Variants in DTWD2 observed in about 807,000 individuals in gnomAD.
DTWD2 encodes tRNA-uridine aminocarboxypropyltransferase 2.
DTWD2 carries 39 observed loss-of-function variants against 31.8 expected under a neutral mutation model. The observed-to-expected ratio is 1.22, with a 90% confidence interval of 0.95 to 1.60. The LOEUF (loss-of-function observed/expected upper bound fraction) is 1.60. DTWD2 is among the 40% of genes most tolerant of loss of function. DTWD2 has a pLI of 0.00. For synonymous variants in DTWD2, 180 were observed against 142.8 expected, an observed-to-expected ratio of 1.26 and a Z score of -1.86; for missense variants, 515 against 381.5, an observed-to-expected ratio of 1.35 and a Z score of -2.92.
At chr5:118,915,528 CCA>C (rs1453337894) in intron 4 of DTWD2, among the ~76,000 whole-genome samples, 1 of 152,074 alleles carries the variant, frequency 6.6e-6, no homozygotes, top group Non-Finnish European at 1.5e-5. Flanking sequence ...GCGCACACCA[CCA>C]CACCTGGCTA....
At chr5:118,880,836 G>T (rs954205234) in intron 4 of DTWD2, among the ~76,000 whole-genome samples, 1 of 152,122 alleles carries the variant, frequency 6.6e-6, no homozygotes, top group African/African-American at 2.4e-5. Context: ...TTAGTTTGAA[G>T]AAGTATTTTG....
At chr5:118,863,316 T>C (rs1043528405) in intron 4 of DTWD2, among the ~76,000 whole-genome samples, 6 of 152,242 alleles carry the variant, frequency 3.9e-5, no homozygotes, top group African/African-American at 1.4e-4. Context: ...ATATATTATA[T>C]GCTGCCTATA....
At chr5:118,889,562 T>C (rs912128053) in intron 4 of DTWD2, among the ~76,000 whole-genome samples, 13 of 152,090 alleles carry the variant, frequency 8.5e-5, no homozygotes, top group Admixed American at 6.6e-5. Flanking sequence ...ATAAATAAAA[T>C]AATTTTGAAA....
chr5:118,975,218 C>T (rs536675032), intron 1 of DTWD2, among the ~76,000 whole-genome samples: 1 of 152,078 alleles, frequency 6.6e-6, no homozygotes, highest in Non-Finnish European at 1.5e-5. Flanking sequence ...AGGCTTTGTT[C>T]GTTCCTTTTC....
chr5:118,951,143 C>G (rs1168447076), intron 1 of DTWD2, among the ~76,000 whole-genome samples: 1 of 152,100 alleles, frequency 6.6e-6, no homozygotes, highest in East Asian at 1.9e-4. Context: ...CCAGACACCT[C>G]TTTAAGAGGA....
At chr5:118,913,991 T>C (rs1196761309) in intron 4 of DTWD2, among the ~76,000 whole-genome samples, 1 of 151,858 alleles carries the variant, frequency 6.6e-6, no homozygotes, top group Non-Finnish European at 1.5e-5. Flanking sequence ...TAAAATAAAT[T>C]AATATGTATT....
intron 4 of DTWD2, among the ~76,000 whole-genome samples, chr5:118,892,869 A>G (rs955601426): frequency 1.2e-4 from 19 of 152,204 alleles, no homozygotes; most frequent in African/African-American, 3.4e-4. Flanking sequence ...CAAACATTAG[A>G]AACAATCTAA....
intron 1 of DTWD2, among the ~76,000 whole-genome samples, chr5:118,985,972 G>A (rs1047847786): frequency 6.6e-6 from 1 of 152,104 alleles, no homozygotes; most frequent in Non-Finnish European, 1.5e-5. Flanking sequence ...ATATTCAGGA[G>A]AACTGAAGTC....
chr5:118,923,260 C>G (rs1335607880), intron 4 of DTWD2, among the ~76,000 whole-genome samples: 1 of 152,140 alleles, frequency 6.6e-6, no homozygotes, highest in Non-Finnish European at 1.5e-5. Flanking sequence ...TATCACACTG[C>G]CCCCTCTAAA....
intron 4 of DTWD2, among the ~76,000 whole-genome samples, chr5:118,885,367 G>T (rs889738594): frequency 1.2e-4 from 18 of 146,608 alleles, no homozygotes; most frequent in Non-Finnish European, 4.5e-5. Flanking sequence ...CGGAAGAATC[G>T]CTTGAACCCG....
intron 4 of DTWD2, among the ~76,000 whole-genome samples, chr5:118,902,280 A>G (rs1414052052): frequency 6.6e-6 from 1 of 152,180 alleles, no homozygotes; most frequent in Non-Finnish European, 1.5e-5. Flanking sequence ...AGTACCTGAA[A>G]CATAGTAGAA....
intron 5 of DTWD2, among the ~76,000 whole-genome samples, chr5:118,842,758 C>T (rs1444396088): frequency 6.9e-6 from 1 of 143,976 alleles, no homozygotes; most frequent in Non-Finnish European, 1.5e-5. Context: ...CATGGCAAGA[C>T]CCTGTTTCTA....
intron 3 of DTWD2, among the ~76,000 whole-genome samples, chr5:118,931,114 G>A (rs1471241360): frequency 6.6e-6 from 1 of 151,806 alleles, no homozygotes; most frequent in Non-Finnish European, 1.5e-5. Flanking sequence ...ATAATTCCAG[G>A]CCAGGCAGTG....
chr5:118,979,035 T>G (rs935351291), intron 1 of DTWD2, among the ~76,000 whole-genome samples: 1 of 151,662 alleles, frequency 6.6e-6, no homozygotes, highest in Admixed American at 6.6e-5. Context: ...CCAGGCGCGG[T>G]GGCTCACGCC....
At chr5:118,879,984 T>A (rs552717739) in intron 4 of DTWD2, among the ~76,000 whole-genome samples, 1 of 152,330 alleles carries the variant, frequency 6.6e-6, no homozygotes, top group South Asian at 2.1e-4. Flanking sequence ...TTAATCACAC[T>A]ATCTGCAAAG....
At chr5:118,929,181 G>C (rs1753871053) in intron 3 of DTWD2, among the ~76,000 whole-genome samples, 2 of 152,190 alleles carry the variant, frequency 1.3e-5, no homozygotes, top group Admixed American at 6.5e-5. Flanking sequence ...CGGTTGCATA[G>C]GCAAGCCACA....
chr5:118,876,335 A>G (rs1013822368), intron 4 of DTWD2, among the ~76,000 whole-genome samples: 1 of 152,196 alleles, frequency 6.6e-6, no homozygotes, highest in Non-Finnish European at 1.5e-5. Flanking sequence ...AGCCAGCAGA[A>G]GACAAGAAAT....
At chr5:118,908,619 C>T (rs1231025079) in intron 4 of DTWD2, among the ~76,000 whole-genome samples, 2 of 150,196 alleles carry the variant, frequency 1.3e-5, no homozygotes, top group African/African-American at 2.5e-5. Flanking sequence ...CTAGGGAAAC[C>T]GACAAAACAA....
chr5:118,859,548 TATA>T (rs1211878116), intron 4 of DTWD2, among the ~76,000 whole-genome samples: 3 of 152,224 alleles, frequency 2.0e-5, no homozygotes, highest in African/African-American at 7.2e-5. Flanking sequence ...AGCCTTTTGC[TATA>T]ATATCATTAG....
Sources: gnomAD v4.1 joint callset for allele counts (sites outside exome capture counted in the v4.1 genomes callset) on GRCh38, gnomAD v4.1.1 for gene constraint, MANE v1.5 for transcripts, NCBI Gene and HGNC (gene_info 2026-07-23, HGNC 2026-07-21) for gene names.